LTBP3: variants seen among roughly 807,000 people sequenced by gnomAD.
LTBP3 encodes latent-transforming growth factor beta-binding protein 3.
In LTBP3, 97 loss-of-function variants were observed where a neutral mutation model predicts 159.7. The ratio of observed to expected loss-of-function variants is 0.61; its 90% confidence interval spans 0.52 to 0.72. The LOEUF (loss-of-function observed/expected upper bound fraction) is 0.72, where lower values mean the gene tolerates loss of function less well. Ranked by LOEUF, LTBP3 falls within the 30% of genes least tolerant of loss-of-function variation. The pLI, the probability that LTBP3 is intolerant of heterozygous loss-of-function variation, is 0.00. For missense variants in LTBP3, 1,584 were observed against 1,864.3 expected (o/e 0.85, Z 2.77); for synonymous variants, 824 against 777.1 (o/e 1.06, Z -1.00).
Position 65,553,324 on chromosome 11 carries a change from G to T in LTBP3, c.971-68C>A. 7.6e-7 allele frequency: 1 copy of T among 1,322,564 alleles called. No homozygotes were observed. Among genetic ancestry groups the T allele is most frequent in the Non-Finnish European group, 1.1e-6 (1 of 946,506 alleles). 81.9% of individuals were successfully genotyped at this position (1,322,564 alleles called of 1,614,324 possible). A position where few individuals can be genotyped will look rare whatever the true frequency, so the allele number is the denominator to read the frequency against. On this transcript the variant is annotated intron_variant, in intron 4 of 27. Coordinates refer to ENST00000301873, the MANE Select transcript of LTBP3 (RefSeq NM_001130144.3). The surrounding 1 kb of genome is among the most constrained non-coding windows in gnomAD (Gnocchi z 6.5). ...ACTGGGGAGGGGCACAGCAGATGTA[G>T]AGAGGAATCTGGTGACCTGGGGACT...
rs371177340 is a variant in LTBP3 at position 65,554,227 on chromosome 11, C to G, written c.485G>C (p.Gly162Ala). ...GGSGPGLSRTGALSTGALPPL... is the reference protein window; with the variant it reads ...GGSGPGLSRTAALSTGALPPL... ...CGGCAGCGCCCCTGTGGACAGGGCCCCTGTCCTGCTCAGGCCGGGGCCTGA... is the reference window on the plus strand; with the variant it reads ...CGGCAGCGCCCCTGTGGACAGGGCCGCTGTCCTGCTCAGGCCGGGGCCTGA... The change falls in exon 2 of 28, where the codon GGG becomes GCG. Residue 162 changes from glycine to alanine, a missense_variant. Around this residue, in one of 6 missense-constraint regions of LTBP3, gnomAD observed 194 missense variants for 198.7 expected, o/e 0.98. Coordinates refer to ENST00000301873, the MANE Select transcript of LTBP3 (RefSeq NM_001130144.3). The surrounding 1 kb of genome is among the most constrained non-coding windows in gnomAD (Gnocchi z 5.3). The G allele has an allele frequency of 1.1e-4, 175 of 1,610,012 alleles. No individual in the cohort carries two copies. In the African/African-American group the frequency reaches 1.2e-3, roughly 11 times the overall value.
chr11:65,539,953 C>A, intron 24 of LTBP3, 60 bp downstream of exon 24: 3 of 1,459,310 alleles, frequency 2.1e-6, no homozygotes, highest in South Asian at 2.7e-5. Flanking sequence ...ACCCCACCTG[C>A]GCGGGGGCCA....
chr11:65,549,757 G>GAAAAAAAAAA (rs752434010), intron 11 of LTBP3, among the ~76,000 whole-genome samples: 1 of 104,506 alleles, frequency 9.6e-6, no homozygotes, highest in Non-Finnish European at 1.8e-5. Context: ...CCCAGGCCGG[G>GAAAAAAAAAA]AAAAAAAAAA....
In LTBP3 at chr11:65,546,350, T is replaced by TTCCACC. The variant is rs1404217624; in HGVS notation, c.2353+86_2353+91dup. ...GTCACCTGGGGATGAATGAGCCACC[T>TTCCACC]TCCACCCACTGTTTACAGACAGCGT... On this transcript the variant is annotated intron_variant, in intron 16 of 27. Coordinates refer to ENST00000301873, the MANE Select transcript of LTBP3 (RefSeq NM_001130144.3). This position sits in a 1 kb window ranked among gnomAD's most constrained non-coding sequence, Gnocchi z 4.0. 36 of 1,401,824 alleles carry TTCCACC rather than the reference T, an allele frequency of 2.6e-5. No individual in the cohort carries two copies. Among genetic ancestry groups the TTCCACC allele is most frequent in the Non-Finnish European group, 2.9e-5 (31 of 1,067,148 alleles). The allele number at this position is 1,401,824 out of a possible 1,614,324, so 86.8% of individuals were successfully genotyped here.
rs1445089297 is a variant in LTBP3 at position 65,543,548 on chromosome 11, A to C, written c.2355T>G (p.Asp785Glu). 1 of 1,613,986 alleles carries C rather than the reference A, an allele frequency of 6.2e-7. No homozygotes were observed. Among genetic ancestry groups the C allele is most frequent in the Admixed American group, 1.7e-5 (1 of 60,014 alleles). ...APAPDGRSCL[D>E]VDECEAGDVC... ...CGTCCCCAGCCTCACACTCGTCCAC[A>C]TCTGCAGGGCATAGGGGGTGTCAGA... The change falls in exon 17 of 28, where the codon GAT (aspartate) becomes GAG (glutamate). Residue 785 changes from aspartate (D) to glutamate (E), a missense_variant and splice_region_variant. Asp to Glu is a conservative substitution (Grantham distance 45). Coordinates refer to ENST00000301873, the MANE Select transcript of LTBP3 (RefSeq NM_001130144.3).
chr11:65,551,472 C>T lies in LTBP3; in HGVS notation c.1551G>A (p.Pro517=), dbSNP rs369318543. ...EEERGVTTDS[P]VSEERSVQQS... is the part of the protein sequence containing the mutation. ...GCTGCACTGACCTCTCCTCACTCAC[C>T]GGCTGCGGGTGACAGCAGCATGAGC... Residue 517 remains proline (P), a splice_region_variant and synonymous_variant, in exon 10 of 28, where the codon CCG becomes CCA. Coordinates refer to ENST00000301873, the MANE Select transcript of LTBP3 (RefSeq NM_001130144.3). 1.5e-4 allele frequency: 247 copies of T among 1,613,944 alleles called. No individual in the cohort carries two copies. Among genetic ancestry groups the T allele is most frequent in the Non-Finnish European group, 2.0e-4 (231 of 1,180,024 alleles).
intron 11 of LTBP3, chr11:65,548,419 C>G (rs962878100): frequency 4.0e-5 from 20 of 504,138 alleles, no homozygotes; most frequent in Non-Finnish European, 7.2e-6. Context: ...GCCTCAATAC[C>G]TTAAACTCTA....
chr11:65,539,236 A>G lies in LTBP3; in HGVS notation c.3761-5T>C. On this transcript the variant is annotated splice_region_variant and splice_polypyrimidine_tract_variant and intron_variant, in intron 27 of 27. Transcript: ENST00000301873. ...GCTCTCGGCACTCGTCGATATCTGA[A>G]GGTGAGGGCGACAGGTGCGGCTTCG... is the stretch of plus-strand genomic sequence containing the variant. 6.6e-7 allele frequency: 1 copy of G among 1,526,280 alleles called. No individual in the cohort carries two copies. The highest frequency in any genetic ancestry group is 8.8e-7 in the Non-Finnish European group (1 of 1,132,582). 94.5% of individuals were successfully genotyped at this position (1,526,280 alleles called of 1,614,324 possible).
rs1314579155 is a variant in LTBP3 at position 65,553,418 on chromosome 11, C to A, written c.970+7G>T. Reference sequence around the variant, plus strand: ...ATAGGGAACGCCCCCTGAGCCCAAGCACTCACACTGCAGCTGGGGACACTT... The same window carrying A: ...ATAGGGAACGCCCCCTGAGCCCAAGAACTCACACTGCAGCTGGGGACACTT... On this transcript the variant is annotated splice_region_variant and intron_variant, in intron 4 of 27. Coordinates refer to ENST00000301873, the MANE Select transcript of LTBP3 (RefSeq NM_001130144.3). This position sits in a 1 kb window ranked among gnomAD's most constrained non-coding sequence, Gnocchi z 6.5. The A allele has an allele frequency of 6.2e-7, 1 of 1,609,666 alleles. No homozygotes were observed. The highest frequency in any genetic ancestry group is 8.5e-7 in the Non-Finnish European group (1 of 1,177,808).
In LTBP3 at chr11:65,538,913, C is replaced by A. The variant is rs1394567082; in HGVS notation, c.*167G>T. 7 of 1,262,230 alleles carry A rather than the reference C, an allele frequency of 5.5e-6. No homozygotes were observed. In the Admixed American group the frequency reaches 2.3e-4, roughly 42 times the overall value. 78.2% of individuals were successfully genotyped at this position (1,262,230 alleles called of 1,614,324 possible). ...GGAGACCTTACAACCGCCCGCTAAC[C>A]GGGGAGGGGGGCCGGTAGGGGCGCC... On this transcript the variant is annotated 3_prime_UTR_variant, in exon 28 of 28. Transcript: ENST00000301873.
Position 65,540,528 on chromosome 11 carries a change from T to G in LTBP3, c.3064A>C (p.Lys1022Gln). 4 of 1,613,848 alleles carry G rather than the reference T, an allele frequency of 2.5e-6. No individual in the cohort carries two copies. The highest frequency in any genetic ancestry group is 3.4e-6 in the Non-Finnish European group (4 of 1,179,906). Residue 1022 changes from lysine to glutamine, a missense_variant, in exon 22 of 28, where the codon AAG (lysine) becomes CAG (glutamine). Lys to Gln is a moderately conservative substitution (Grantham distance 53). This residue lies in a region of LTBP3 where 514 missense variants were observed against 530.3 expected (regional missense o/e 0.97). Coordinates refer to ENST00000301873, the MANE Select transcript of LTBP3 (RefSeq NM_001130144.3). ...NTQPGYECYCKQGFYYDGNLL... is the reference protein window; with the variant it reads ...NTQPGYECYCQQGFYYDGNLL... ...TTCCCGTCGTAGTAGAAGCCCTGCT[T>G]GCAGTAGCACTCGTAGCCAGGCTGC...
chr11:65,540,557 T>A lies in LTBP3; in HGVS notation c.3035A>T (p.Asn1012Ile). 6.2e-7 allele frequency: 1 copy of A among 1,613,880 alleles called. No homozygotes were observed. Among genetic ancestry groups the A allele is most frequent in the Non-Finnish European group, 8.5e-7 (1 of 1,179,896 alleles). ...GTAGCACTCGTAGCCAGGCTGCGTG[T>A]TCACGCACTTGCCCTCCTTGCAAAT... ...SEICKEGKCV[N>I]TQPGYECYCK... is the part of the protein sequence containing the mutation. The change falls in exon 22 of 28, where the codon AAC becomes ATC. Residue 1012 changes from asparagine (N) to isoleucine (I), a missense_variant. By Grantham distance (149) the Asn-to-Ile change is moderately radical (BLOSUM62 -3). Transcript: ENST00000301873.
At position 65,553,850 on chromosome 11, in the gene LTBP3, A is replaced by G; in HGVS notation, c.715T>C (p.Ser239Pro). Residue 239 changes from serine to proline, a missense_variant, in exon 3 of 28, where the codon TCA (serine) becomes CCA (proline). Physicochemically the swap from Ser to Pro is moderately conservative, Grantham distance 74. This residue lies in a region of LTBP3 where 194 missense variants were observed against 198.7 expected (regional missense o/e 0.98). Coordinates refer to ENST00000301873, the MANE Select transcript of LTBP3 (RefSeq NM_001130144.3). This position sits in a 1 kb window ranked among gnomAD's most constrained non-coding sequence, Gnocchi z 6.5. ...NVRVHHPPEA[S>P]VQVHRIESSN... ...CTCTCAATGCGGTGCACCTGGACTG[A>G]GGCCTCGGGCGGGTGATGGACGCGC... is the stretch of plus-strand genomic sequence containing the variant. 6.4e-7 allele frequency: 1 copy of G among 1,556,990 alleles called. No individual in the cohort carries two copies. The highest frequency in any genetic ancestry group is 8.6e-7 in the Non-Finnish European group (1 of 1,158,832).
At chr11:65,551,507 C>A (rs752643404) in intron 9 of LTBP3, 33 bp from the exon 10 acceptor site, 1 of 1,614,086 alleles carries the variant, frequency 6.2e-7, no homozygotes, top group South Asian at 1.1e-5. Context: ...CCCTCCTGTC[C>A]CTCGCCTGCC....
At chr11:65,548,070 G>T in intron 11 of LTBP3, 25 bp from the exon 12 acceptor site, 4 of 1,613,506 alleles carry the variant, frequency 2.5e-6, no homozygotes. Flanking sequence ...AGGTCAAGCG[G>T]CAGAGCAGGG....
At chr11:65,540,443 T>A (rs370258344) in intron 22 of LTBP3, 43 bp downstream of exon 22, 2 of 1,610,580 alleles carry the variant, frequency 1.2e-6, no homozygotes, top group Non-Finnish European at 1.7e-6. Context: ...GTGGCGCGTG[T>A]CTCCCTGCCG....
In LTBP3 at chr11:65,546,968, T is replaced by C; in HGVS notation, c.2108-48A>G. 6.2e-7 allele frequency: 1 copy of C among 1,603,960 alleles called. No homozygotes were observed. The highest frequency in any genetic ancestry group is 1.1e-5 in the South Asian group (1 of 91,076). On this transcript the variant is annotated intron_variant, in intron 14 of 27. Coordinates refer to ENST00000301873, the MANE Select transcript of LTBP3 (RefSeq NM_001130144.3). The surrounding 1 kb of genome is among the most constrained non-coding windows in gnomAD (Gnocchi z 4.0). Reference sequence around the variant, plus strand: ...AGGACCCATCTGGGGACAACGCGGGTGGCCCGGCTCCCAGCGTCCACAGCA... The same window carrying C: ...AGGACCCATCTGGGGACAACGCGGGCGGCCCGGCTCCCAGCGTCCACAGCA...
chr11:65,540,875 G>C lies in LTBP3; in HGVS notation c.2973C>G (p.His991Gln). The change falls in exon 21 of 28, where the codon CAC becomes CAG. Residue 991 changes from histidine (H) to glutamine (Q), a missense_variant. Around this residue, in one of 6 missense-constraint regions of LTBP3, gnomAD observed 514 missense variants for 530.3 expected, o/e 0.97. Coordinates refer to ENST00000301873, the MANE Select transcript of LTBP3 (RefSeq NM_001130144.3). ...NNIVNYGIPA[H>Q]RDIDECMLFG... ...GCGGAGCCGCAGGGCGCTTACCACG[G>C]TGGGCTGGGATGCCGTAGTTGACGA... 4 of 1,611,810 alleles carry C rather than the reference G, an allele frequency of 2.5e-6. No individual in the cohort carries two copies. The highest frequency in any genetic ancestry group is 2.5e-6 in the Non-Finnish European group (3 of 1,179,124).
rs1856692088 is a variant in LTBP3 at position 65,553,585 on chromosome 11, G to A, written c.865-55C>T. ...AGAGCACCCCGCCCCGGTGCCGCCT[G>A]TTAGGGTTGGGCCTTTTCCTCTTCC... On this transcript the variant is annotated intron_variant, in intron 3 of 27. Transcript: ENST00000301873. The surrounding 1 kb of genome is among the most constrained non-coding windows in gnomAD (Gnocchi z 6.5). 6.7e-7 allele frequency: 1 copy of A among 1,503,364 alleles called. No homozygotes were observed. The highest frequency in any genetic ancestry group is 9.1e-7 in the Non-Finnish European group (1 of 1,093,304). 93.1% of individuals were successfully genotyped at this position (1,503,364 alleles called of 1,614,324 possible).
Sources: gnomAD v4.1 joint callset for allele counts (sites outside exome capture counted in the v4.1 genomes callset) on GRCh38, gnomAD v4.1.1 for gene constraint, gnomAD v4.1.1 regional missense constraint, Gnocchi (gnomAD v3.1) non-coding constraint, MANE v1.5 for transcripts, NCBI Gene and HGNC (gene_info 2026-07-23, HGNC 2026-07-21) for gene names.